Variants in FREM1 observed in about 807,000 individuals in gnomAD.
The protein encoded by FREM1 is FRAS1 related extracellular matrix 1.
A neutral mutation model predicts 210.1 loss-of-function variants in FREM1; 220 were observed. That is an observed-to-expected ratio of 1.05 (90% CI 0.94 to 1.17). FREM1 has a LOEUF of 1.17. Ranked by LOEUF, FREM1 falls within the 50% of genes most tolerant of loss-of-function variation. FREM1 has a pLI of 0.00. For missense variants in FREM1, 3,454 were observed against 2,675.5 expected, an observed-to-expected ratio of 1.29 and a Z score of -6.42; for synonymous variants, 1,189 against 980.2, an observed-to-expected ratio of 1.21 and a Z score of -3.98.
At position 14,807,962 on chromosome 9, in the gene FREM1, G is replaced by A. The variant is rs150856430; in HGVS notation, c.3066C>T (p.Asn1022=). The change falls in exon 17 of 37, where the codon AAC becomes AAT. Residue 1022 remains asparagine (N), a synonymous_variant. Transcript: ENST00000380880. ...DLNITVYPVD[N]QPPSIAIGPV... ...CACCTATTGCAATGGAAGGTGGCTGGTTGTCTACTGGGTATACCGTGATGT... is the reference window on the plus strand; with the variant it reads ...CACCTATTGCAATGGAAGGTGGCTGATTGTCTACTGGGTATACCGTGATGT... 6.2e-7 allele frequency: 1 copy of A among 1,613,212 alleles called. No individual in the cohort carries two copies. Among genetic ancestry groups the A allele is most frequent in the African/African-American group, 1.3e-5 (1 of 75,004 alleles).
chr9:14,875,436 C>G (rs1448972155), intron 1 of FREM1, among the ~76,000 whole-genome samples: 3 of 152,196 alleles, frequency 2.0e-5, no homozygotes, highest in Non-Finnish European at 2.9e-5. Context: ...CATCCTCCAT[C>G]ACTGATACCC....
At chr9:14,881,650 T>A (rs895361490) in intron 1 of FREM1, among the ~76,000 whole-genome samples, 2 of 152,232 alleles carry the variant, frequency 1.3e-5, no homozygotes, top group Non-Finnish European at 1.5e-5. Flanking sequence ...TCTCTTCCAA[T>A]ATCTATCTCT....
intron 22 of FREM1, among the ~76,000 whole-genome samples, chr9:14,791,423 A>G (rs970928675): frequency 5.9e-5 from 9 of 152,206 alleles, no homozygotes; most frequent in African/African-American, 2.2e-4. Context: ...CAGGAATGTT[A>G]ATTTACGGTG....
At chr9:14,757,042 CCAGA>C (rs998941834) in intron 28 of FREM1, among the ~76,000 whole-genome samples, 4 of 150,640 alleles carry the variant, frequency 2.7e-5, no homozygotes, top group Non-Finnish European at 5.9e-5. Context: ...TGGTGAACAA[CCAGA>C]CAAAGGAGAT....
chr9:14,813,818 G>T (rs1023761390), intron 15 of FREM1, among the ~76,000 whole-genome samples: 3 of 152,190 alleles, frequency 2.0e-5, no homozygotes, highest in Non-Finnish European at 4.4e-5. Flanking sequence ...GGTGTGTGCT[G>T]CAAGGCTGCC....
intron 23 of FREM1, among the ~76,000 whole-genome samples, chr9:14,786,657 G>A (rs536925720): frequency 6.6e-6 from 1 of 152,306 alleles, no homozygotes; most frequent in African/African-American, 2.4e-5. Flanking sequence ...CTGCAATAAA[G>A]AATCCTCCAT....
intron 1 of FREM1, among the ~76,000 whole-genome samples, chr9:14,874,992 G>A (rs1014651180): frequency 5.9e-5 from 9 of 152,050 alleles, no homozygotes; most frequent in African/African-American, 2.2e-4. Context: ...CTTGAATATT[G>A]GCCCCCACTC....
At chr9:14,761,436 CAAGAA>C (rs1422899844) in intron 27 of FREM1, among the ~76,000 whole-genome samples, 1 of 152,024 alleles carries the variant, frequency 6.6e-6, no homozygotes, top group Non-Finnish European at 1.5e-5. Context: ...GAATTTTAAA[CAAGAA>C]AAGAGGATCC....
At chr9:14,799,667 A>T (rs1853139451) in intron 20 of FREM1, among the ~76,000 whole-genome samples, 1 of 152,150 alleles carries the variant, frequency 6.6e-6, no homozygotes, top group South Asian at 2.1e-4. Flanking sequence ...TGAAAAAAAA[A>T]TTTTAAACAA....
chr9:14,900,382 T>A (rs1261737825), intron 1 of FREM1, among the ~76,000 whole-genome samples: 1 of 152,234 alleles, frequency 6.6e-6, no homozygotes, highest in Non-Finnish European at 1.5e-5. Context: ...CTCCTCTAAG[T>A]ATGACAAGAG....
chr9:14,821,064 C>T (rs935645241), intron 13 of FREM1, among the ~76,000 whole-genome samples: 2 of 152,120 alleles, frequency 1.3e-5, no homozygotes, highest in Non-Finnish European at 2.9e-5. Flanking sequence ...TAGTCATTAG[C>T]TTTTTAATTC....
At position 14,792,874 on chromosome 9, in the gene FREM1, T is replaced by A; in HGVS notation, c.3850A>T (p.Ile1284Phe). ...CGAGTTTCACCCATATTCATTGCAA[T>A]TTCAGCCTTCCTGTAAAAAGAAAAA... Reference protein sequence around the residue: ...EKPMLSKKAEIAMNMGETRII... With the variant: ...EKPMLSKKAEFAMNMGETRII... Residue 1284 changes from isoleucine (I) to phenylalanine (F), a missense_variant, in exon 22 of 37, where the codon ATT (isoleucine) becomes TTT (phenylalanine). Ile to Phe is a conservative substitution (Grantham distance 21). Transcript: ENST00000380880. 6.3e-7 allele frequency: 1 copy of A among 1,577,404 alleles called. No individual in the cohort carries two copies.
intron 25 of FREM1, among the ~76,000 whole-genome samples, chr9:14,774,517 CTCTCTCTCTCTCT>C (rs1848212076): frequency 7.4e-4 from 9 of 12,180 alleles, no homozygotes; most frequent in Non-Finnish European, 1.5e-3. Context: ...ATAAATCTCT[CTCTCTCTCTCTCT>C]CTCTCTCTCT....
intron 24 of FREM1, among the ~76,000 whole-genome samples, chr9:14,781,131 T>A (rs879152846): frequency 6.6e-6 from 1 of 152,202 alleles, no homozygotes; most frequent in Non-Finnish European, 1.5e-5. Context: ...TGATACTCAG[T>A]TATGTCAGTT....
At chr9:14,866,124 A>G (rs1831471551) in intron 2 of FREM1, among the ~76,000 whole-genome samples, 1 of 152,196 alleles carries the variant, frequency 6.6e-6, no homozygotes, top group African/African-American at 2.4e-5. Flanking sequence ...ATAGCAGGCT[A>G]GGGAATCAGT....
chr9:14,816,849 C>T lies in FREM1; in HGVS notation c.2569G>A (p.Val857Ile). ...KVRYQHDGTE[V>I]LQDDLLLEVT... ...TCCAAGAGTAGGTCATCCTGAAGAACTTCAGTTCCATCATGTTGATACCTG... is the reference window on the plus strand; with the variant it reads ...TCCAAGAGTAGGTCATCCTGAAGAATTTCAGTTCCATCATGTTGATACCTG... Residue 857 changes from valine to isoleucine, a missense_variant, in exon 15 of 37, where the codon GTT becomes ATT. By Grantham distance (29) the Val-to-Ile change is conservative. Transcript: ENST00000380880. 2 of 1,424,108 alleles carry T rather than the reference C, an allele frequency of 1.4e-6. No individual in the cohort carries two copies. The highest frequency in any genetic ancestry group is 1.9e-6 in the Non-Finnish European group (2 of 1,055,488). 88.2% of individuals were successfully genotyped at this position (1,424,108 alleles called of 1,614,324 possible).
Position 14,861,244 on chromosome 9 carries a change from C to T in FREM1, c.330-1760G>A, listed in dbSNP as rs183219710. Among the ~76,000 whole-genome samples the T allele has an allele frequency of 2.8e-3, 141 of 49,982 alleles. 3 individuals carry two copies. The highest frequency in any genetic ancestry group is 0.017 in the African/African-American group (125 of 7,200). The allele number at this position is 49,982 out of a possible 152,430, so 32.8% of individuals were successfully genotyped here. A position where few individuals can be genotyped will look rare whatever the true frequency, so the allele number is the denominator to read the frequency against. ...ACACATATATACACATATATACACA[C>T]ATATATACATATATACACATATACA... On this transcript the variant is annotated intron_variant, in intron 3 of 36. Transcript: ENST00000380880.
At chr9:14,879,708 G>C (rs1834439207) in intron 1 of FREM1, among the ~76,000 whole-genome samples, 2 of 152,114 alleles carry the variant, frequency 1.3e-5, no homozygotes, top group Admixed American at 6.5e-5. Flanking sequence ...TGTGGAGTCA[G>C]AAAAAATAAA....
chr9:14,763,613 G>A (rs1188517796), intron 27 of FREM1, among the ~76,000 whole-genome samples: 2 of 152,214 alleles, frequency 1.3e-5, no homozygotes, highest in East Asian at 3.9e-4. Flanking sequence ...TTGAACTTGT[G>A]AGGCTTCAGG....
Sources: gnomAD v4.1 joint callset for allele counts (sites outside exome capture counted in the v4.1 genomes callset) on GRCh38, gnomAD v4.1.1 for gene constraint, MANE v1.5 for transcripts, NCBI Gene and HGNC (gene_info 2026-07-23, HGNC 2026-07-21) for gene names.